The following PARD3B variants were observed in gnomAD, a reference collection of about 807,000 sequenced individuals.
PARD3B encodes the protein par-3 family cell polarity regulator beta, also known as partitioning defective 3 homolog B.
Under a neutral mutation model 130.2 loss-of-function variants are expected in PARD3B, and 103 were observed. The ratio of observed to expected loss-of-function variants is 0.79; its 90% CI spans 0.67 to 0.93. The LOEUF (loss-of-function observed/expected upper bound fraction) is 0.93. Ranked by LOEUF, PARD3B falls within the 40% of genes least tolerant of loss-of-function variation. The probability of loss-of-function intolerance (pLI) is 0.00; values close to 1 mark genes in which losing one functional copy is unlikely to be tolerated. For missense variants in PARD3B, 1,609 were observed against 1,499.2 expected, an observed-to-expected ratio of 1.07 and a Z score of -1.21; for synonymous variants, 583 against 553.2, an observed-to-expected ratio of 1.05 and a Z score of -0.76.
rs1457091257 is a variant in PARD3B at position 204,907,514 on chromosome 2, G to C, written c.223-57638G>C. The stretch of plus-strand genomic sequence containing the variant: ...ATGCAGAATAAATTATTCTTTTCAG[G>C]GAATTTCACTGTGTCACTCTGGGTG... On this transcript the variant is annotated intron_variant, in intron 2 of 22. Coordinates refer to ENST00000406610, the MANE Select transcript of PARD3B (RefSeq NM_001302769.2). This position sits in a 1 kb window ranked among gnomAD's most constrained non-coding sequence, Gnocchi z 5.7. Among the ~76,000 whole-genome samples the C allele has an allele frequency of 6.6e-6, 1 of 152,070 alleles. No homozygotes were observed. The highest frequency in any genetic ancestry group is 2.4e-5 in the African/African-American group (1 of 41,404).
At chr2:205,462,105 T>G (rs1461188365) in intron 20 of PARD3B, among the ~76,000 whole-genome samples, 1 of 152,162 alleles carries the variant, frequency 6.6e-6, no homozygotes, top group African/African-American at 2.4e-5. Context: ...ACTAAAGAAA[T>G]GGGTTTTGTG....
At chr2:204,941,541 G>A (rs933832834) in intron 2 of PARD3B, among the ~76,000 whole-genome samples, 15 of 152,130 alleles carry the variant, frequency 9.9e-5, no homozygotes, top group African/African-American at 3.6e-4. Context: ...TATTACTGCT[G>A]CACCTTTCCC....
At chr2:204,988,034 A>G (rs1319315098) in intron 3 of PARD3B, among the ~76,000 whole-genome samples, 1 of 151,618 alleles carries the variant, frequency 6.6e-6, no homozygotes, top group Non-Finnish European at 1.5e-5. Context: ...AGAAACACCT[A>G]GAGTCCAGTG....
chr2:204,607,596 G>C (rs2125112152), intron 1 of PARD3B, among the ~76,000 whole-genome samples: 1 of 152,194 alleles, frequency 6.6e-6, no homozygotes, highest in Middle Eastern at 3.4e-3. Context: ...CAAATATGTA[G>C]AGGTTAAGAA....
chr2:205,392,850 A>G (rs958553996), intron 18 of PARD3B, among the ~76,000 whole-genome samples: 10 of 152,208 alleles, frequency 6.6e-5, no homozygotes, highest in African/African-American at 2.4e-4. Context: ...AAATAGAATT[A>G]GAATATTTTT....
intron 1 of PARD3B, among the ~76,000 whole-genome samples, chr2:204,565,321 G>C (rs567017428): frequency 2.0e-5 from 3 of 152,218 alleles, no homozygotes; most frequent in African/African-American, 7.2e-5. Context: ...TTTCAACATG[G>C]TTTCTTAAAG....
chr2:204,653,788 A>C (rs2035561172), intron 1 of PARD3B, among the ~76,000 whole-genome samples: 1 of 140,740 alleles, frequency 7.1e-6, no homozygotes, highest in Non-Finnish European at 1.5e-5. Context: ...TCTGTCTCAA[A>C]AAAAAAAAAA....
intron 2 of PARD3B, among the ~76,000 whole-genome samples, chr2:204,927,787 A>G (rs976187878): frequency 6.6e-6 from 1 of 152,084 alleles, no homozygotes; most frequent in Admixed American, 6.5e-5. Context: ...TATGTGGTTG[A>G]AGTATTAGCA....
intron 2 of PARD3B, among the ~76,000 whole-genome samples, chr2:204,933,182 A>T (rs1481986702): frequency 6.6e-6 from 1 of 152,196 alleles, no homozygotes; most frequent in East Asian, 1.9e-4. Context: ...CCCTGTGCAC[A>T]TCCTGCATAT....
Position 205,104,510 on chromosome 2 carries a change from T to C in PARD3B, c.589T>C (p.Leu197=), listed in dbSNP as rs756413523. The C allele has an allele frequency of 5.2e-6, 8 of 1,530,064 alleles. No homozygotes were observed. The Admixed American group carries it at 1.2e-4, about 22-fold the overall frequency. The allele number at this position is 1,530,064 out of a possible 1,614,324, so 94.8% of individuals were successfully genotyped here. ...LLTSPRTKDT[L]SDMTRTVEIS... Reference sequence around the variant, plus strand: ...AACTTCGCCAAGAACTAAGGACACATTGAGGTATTCTCTTTATACAGATAA... The same window carrying C: ...AACTTCGCCAAGAACTAAGGACACACTGAGGTATTCTCTTTATACAGATAA... Residue 197 remains leucine (L), a synonymous_variant, in exon 5 of 23, where the codon TTG becomes CTG. Transcript: ENST00000406610.
intron 1 of PARD3B, among the ~76,000 whole-genome samples, chr2:204,612,913 C>A (rs1426576471): frequency 1.3e-5 from 2 of 151,634 alleles, no homozygotes; most frequent in Non-Finnish European, 2.9e-5. Context: ...CTTCCCAGTT[C>A]CCATCCCTCA....
rs78761123 is a variant in PARD3B, at chr2:204,697,819, C to T, written c.222+11537C>T. On this transcript the variant is annotated intron_variant, in intron 2 of 22. Coordinates refer to ENST00000406610, the MANE Select transcript of PARD3B (RefSeq NM_001302769.2). ...GCAAGGGTGACCCTGGGTGGCCCTT[C>T]GTCTGTTACTAATATTTGGTTCCCT... 4.1e-3 allele frequency among the ~76,000 whole-genome samples: 623 copies of T among 152,102 alleles called. 4 individuals are homozygous for T. The highest frequency in any genetic ancestry group is 0.014 in the African/African-American group (590 of 41,498).
At chr2:205,426,977 C>CAGA (rs1194713000) in intron 19 of PARD3B, among the ~76,000 whole-genome samples, 1 of 151,966 alleles carries the variant, frequency 6.6e-6, no homozygotes, top group Non-Finnish European at 1.5e-5. Context: ...GGACAGCTCA[C>CAGA]AGAAGAGGAA....
At position 204,679,979 on chromosome 2, in the gene PARD3B, T is replaced by C. The variant is rs186528276; in HGVS notation, c.121-6202T>C. On this transcript the variant is annotated intron_variant, in intron 1 of 22. Coordinates refer to ENST00000406610, the MANE Select transcript of PARD3B (RefSeq NM_001302769.2). ...AAGATTTTTACCTACATATGTAGAT[T>C]TTTACCTACATATCCATGAGAAAGA... is the stretch of plus-strand genomic sequence containing the variant. 5.3e-5 allele frequency among the ~76,000 whole-genome samples: 8 copies of C among 152,152 alleles called. No individual in the cohort carries two copies. The East Asian group carries it at 1.5e-3, about 29-fold the overall frequency.
At chr2:205,548,669 A>G (rs73060148) in intron 21 of PARD3B, among the ~76,000 whole-genome samples, 3,516 of 152,238 alleles carry the variant, frequency 0.023, 128 homozygotes, top group African/African-American at 0.078. Flanking sequence ...ATAAATTCCC[A>G]GGAGATAAAA....
chr2:205,179,912 G>T (rs1357450757), intron 13 of PARD3B, among the ~76,000 whole-genome samples: 4 of 152,004 alleles, frequency 2.6e-5, no homozygotes, highest in Non-Finnish European at 5.9e-5. Context: ...TAATCATTTG[G>T]TTTGGAATTT....
intron 2 of PARD3B, among the ~76,000 whole-genome samples, chr2:204,842,282 A>T (rs1476058839): frequency 6.6e-6 from 1 of 152,144 alleles, no homozygotes; most frequent in Non-Finnish European, 1.5e-5. Context: ...GGTACTAAAT[A>T]TTAGATTTGT....
chr2:205,202,739 A>G (rs1309364070), intron 15 of PARD3B, among the ~76,000 whole-genome samples: 1 of 152,172 alleles, frequency 6.6e-6, no homozygotes. Flanking sequence ...AATGCCTAGA[A>G]CATCCCTAAT....
At chr2:205,427,659 G>A (rs2047189857) in intron 19 of PARD3B, among the ~76,000 whole-genome samples, 2 of 151,974 alleles carry the variant, frequency 1.3e-5, no homozygotes, top group Admixed American at 6.6e-5. Context: ...AGAAATGAAA[G>A]CTATATATTA....
Sources: allele counts gnomAD v4.1 joint callset (sites outside exome capture counted in the v4.1 genomes callset), GRCh38; gene constraint gnomAD v4.1.1; non-coding constraint Gnocchi (gnomAD v3.1); transcripts MANE v1.5; gene names NCBI Gene and HGNC (gene_info 2026-07-23, HGNC 2026-07-21).